GRID2: variants seen among roughly 807,000 people sequenced by gnomAD.
The protein encoded by GRID2 is glutamate receptor ionotropic, delta-2.
A neutral mutation model predicts 114.8 loss-of-function variants in GRID2; 33 were observed. The observed-to-expected ratio is 0.29, with a 90% CI of 0.22 to 0.38. GRID2 has a LOEUF of 0.38. Ranked by LOEUF, GRID2 falls within the 10% of genes least tolerant of loss-of-function variation. The pLI, the probability that GRID2 is intolerant of heterozygous loss-of-function variation, is 1.00. For missense variants in GRID2, 1,184 were observed against 1,257.7 expected, an observed-to-expected ratio of 0.94 and a Z score of 0.89; for synonymous variants, 505 against 449.9, an observed-to-expected ratio of 1.12 and a Z score of -1.55.
chr4:93,133,161 G>GTC (rs146709791), intron 4 of GRID2, among the ~76,000 whole-genome samples: 2,458 of 151,338 alleles, frequency 0.016, 69 homozygotes, highest in African/African-American at 0.057. Context: ...CTCTCTCTCG[G>GTC]TCTCTCTCTC....
At chr4:93,373,903 G>T (rs1763150274) in intron 8 of GRID2, among the ~76,000 whole-genome samples, 1 of 152,140 alleles carries the variant, frequency 6.6e-6, no homozygotes, top group African/African-American at 2.4e-5. Flanking sequence ...TATTTGCAAG[G>T]AAATACTTGA....
At chr4:92,710,895 A>G (rs1196793410) in intron 2 of GRID2, among the ~76,000 whole-genome samples, 2 of 151,828 alleles carry the variant, frequency 1.3e-5, no homozygotes, top group South Asian at 2.1e-4. Flanking sequence ...TTAAATAACC[A>G]TGATGAAAAA....
intron 4 of GRID2, among the ~76,000 whole-genome samples, chr4:93,188,289 T>C (rs1740633390): frequency 6.6e-6 from 1 of 152,152 alleles, no homozygotes; most frequent in African/African-American, 2.4e-5. Context: ...TCTACACCTG[T>C]GGAGATGGCA....
At chr4:92,616,415 G>T (rs576916530) in intron 2 of GRID2, among the ~76,000 whole-genome samples, 59 of 150,842 alleles carry the variant, frequency 3.9e-4, no homozygotes, top group African/African-American at 1.3e-3. Flanking sequence ...TTTTTCTTTG[G>T]CCCTGTCTGT....
At chr4:93,254,180 G>C (rs1749309332) in intron 8 of GRID2, among the ~76,000 whole-genome samples, 1 of 151,834 alleles carries the variant, frequency 6.6e-6, no homozygotes, top group African/African-American at 2.4e-5. Flanking sequence ...TTTACTTACT[G>C]GTAGTGAATT....
intron 1 of GRID2, among the ~76,000 whole-genome samples, chr4:92,482,372 G>C (rs1722658591): frequency 6.6e-6 from 1 of 151,438 alleles, no homozygotes; most frequent in Non-Finnish European, 1.5e-5. Context: ...CTACTTATTG[G>C]GTACTATGCT....
In GRID2 at chr4:93,521,521, T is replaced by C. The variant is rs892615508; in HGVS notation, c.2193+6110T>C. On this transcript the variant is annotated intron_variant, in intron 13 of 15. Coordinates refer to ENST00000282020, the MANE Select transcript of GRID2 (RefSeq NM_001510.4). The stretch of plus-strand genomic sequence containing the variant: ...TCAACTGTCTGTCAAATGATGCTCA[T>C]GATAAAGGGTGATGAATGCTAAAAA... 2.6e-5 allele frequency among the ~76,000 whole-genome samples: 4 copies of C among 152,102 alleles called. No homozygotes were observed. In the South Asian group the frequency reaches 6.2e-4, roughly 24 times the overall value.
At chr4:93,727,614 C>T (rs2110213046) in intron 14 of GRID2, among the ~76,000 whole-genome samples, 1 of 152,244 alleles carries the variant, frequency 6.6e-6, no homozygotes, top group East Asian at 1.9e-4. Flanking sequence ...TCCATCTGGT[C>T]CTGGACTTTT....
intron 8 of GRID2, among the ~76,000 whole-genome samples, chr4:93,334,619 A>C (rs1758842811): frequency 6.6e-6 from 1 of 152,250 alleles, no homozygotes; most frequent in Admixed American, 6.5e-5. Flanking sequence ...AACAAACAAA[A>C]GTGCTTGCCC....
chr4:92,830,281 T>C (rs1016366238), intron 2 of GRID2, among the ~76,000 whole-genome samples: 1 of 151,540 alleles, frequency 6.6e-6, no homozygotes, highest in African/African-American at 2.4e-5. Flanking sequence ...GTAGGACAAC[T>C]GGGATTTACA....
Position 92,807,677 on chromosome 4 carries a change from A to G in GRID2, c.244+217391A>G, listed in dbSNP as rs540242645. Among the ~76,000 whole-genome samples the G allele has an allele frequency of 3.3e-5, 5 of 152,176 alleles. No individual in the cohort carries two copies. In the South Asian group the frequency reaches 8.3e-4, roughly 25 times the overall value. ...CCCCTCAAATTGTAAGTGAAAGGAG[A>G]CGTTGATAAGATATGCTGAAGAAAT... On this transcript the variant is annotated intron_variant, in intron 2 of 15. Transcript: ENST00000282020.
intron 14 of GRID2, among the ~76,000 whole-genome samples, chr4:93,739,219 A>G (rs1443560093): frequency 6.6e-6 from 1 of 152,018 alleles, no homozygotes; most frequent in Non-Finnish European, 1.5e-5. Context: ...AAAAGACACT[A>G]TTGTCACTCT....
At chr4:93,630,867 G>A (rs1007389651) in intron 14 of GRID2, among the ~76,000 whole-genome samples, 16 of 152,152 alleles carry the variant, frequency 1.1e-4, no homozygotes, top group African/African-American at 3.6e-4. Context: ...CAGTTTTCTG[G>A]TCACTGTACA....
Position 92,669,633 on chromosome 4 carries a change from A to G in GRID2, c.244+79347A>G, listed in dbSNP as rs144419741. Among the ~76,000 whole-genome samples the G allele has an allele frequency of 2.6e-5, 4 of 152,074 alleles. No individual in the cohort carries two copies. The East Asian group carries it at 7.7e-4, about 29-fold the overall frequency. ...CCAGAGTTGCAAATCAAAAGCCATT[A>G]TACACCTATTCCATGTGGGGCCAAC... On this transcript the variant is annotated intron_variant, in intron 2 of 15. Transcript: ENST00000282020.
chr4:92,778,916 A>G (rs1367122827), intron 2 of GRID2, among the ~76,000 whole-genome samples: 1 of 152,058 alleles, frequency 6.6e-6, no homozygotes, highest in Non-Finnish European at 1.5e-5. Flanking sequence ...ATCCTCAGAG[A>G]ATTTTGGTGA....
At chr4:92,317,035 T>C (rs183719201) in intron 1 of GRID2, among the ~76,000 whole-genome samples, 2 of 152,322 alleles carry the variant, frequency 1.3e-5, no homozygotes, top group South Asian at 2.1e-4. Context: ...ATGTGGTTAT[T>C]TGGTAATTAA....
chr4:93,556,424 G>T (rs1223647314), intron 13 of GRID2, among the ~76,000 whole-genome samples: 3 of 152,098 alleles, frequency 2.0e-5, no homozygotes, highest in Non-Finnish European at 4.4e-5. Context: ...TTACCTGATG[G>T]AGCTGCAAAA....
chr4:93,799,739 A>G (rs1230332040), intron 1 of GRID2, among the ~76,000 whole-genome samples: 1 of 152,166 alleles, frequency 6.6e-6, no homozygotes. Flanking sequence ...TTGTTTCTTT[A>G]TGTAATTAAA....
At position 93,667,345 on chromosome 4, in the gene GRID2, G is replaced by T. The variant is rs1350639696; in HGVS notation, c.2360+40910G>T. On this transcript the variant is annotated intron_variant, in intron 14 of 15. Coordinates refer to ENST00000282020, the MANE Select transcript of GRID2 (RefSeq NM_001510.4). ...CTAGGTAGAAGAATCCTCTAACCAAGTACATCCAGGTATCCAATATATCTG... is the reference window on the plus strand; with the variant it reads ...CTAGGTAGAAGAATCCTCTAACCAATTACATCCAGGTATCCAATATATCTG... 2.0e-5 allele frequency among the ~76,000 whole-genome samples: 3 copies of T among 151,578 alleles called. No homozygotes were observed. The East Asian group carries it at 5.8e-4, about 29-fold the overall frequency.
Sources: allele counts gnomAD v4.1 joint callset (sites outside exome capture counted in the v4.1 genomes callset), GRCh38; gene constraint gnomAD v4.1.1; transcripts MANE v1.5; gene names NCBI Gene and HGNC (gene_info 2026-07-23, HGNC 2026-07-21).